PLSCR5: variants seen among roughly 807,000 people sequenced by gnomAD.
PLSCR5 encodes the protein phospholipid scramblase family member 5.
Under a neutral mutation model 33.6 loss-of-function variants are expected in PLSCR5, and 44 were observed. The observed-to-expected ratio is 1.31, with a 90% confidence interval of 1.03 to 1.69. The LOEUF (loss-of-function observed/expected upper bound fraction) is 1.69. PLSCR5 is among the 40% of genes most tolerant of loss of function. The probability of loss-of-function intolerance (pLI) is 0.00; values close to 1 mark genes in which losing one functional copy is unlikely to be tolerated. For synonymous variants in PLSCR5, 148 were observed against 112.3 expected (o/e 1.32, Z -2.01); for missense variants, 375 against 318.7 (o/e 1.18, Z -1.34).
chr3:146,577,444 A>T (rs2044605736), intron 7 of PLSCR5, among the ~76,000 whole-genome samples: 2 of 152,166 alleles, frequency 1.3e-5, no homozygotes, highest in Non-Finnish European at 2.9e-5. Flanking sequence ...AAATAATTTT[A>T]GATTTTGTGT....
intron 1 of PLSCR5, among the ~76,000 whole-genome samples, chr3:146,603,346 C>T (rs922057302): frequency 6.6e-6 from 1 of 152,082 alleles, no homozygotes; most frequent in East Asian, 1.9e-4. Flanking sequence ...TTGACTTGCC[C>T]TCTTAAACAA....
chr3:146,593,848 A>G (rs2107854011), intron 4 of PLSCR5, 72 bp downstream of exon 4: 1 of 1,416,294 alleles, frequency 7.1e-7, no homozygotes. Flanking sequence ...TCATTGCTCC[A>G]GATGAATTCC....
chr3:146,605,330 C>G lies in PLSCR5; in HGVS notation c.-118G>C. ...AACTTCAGAACGTGTTTGTCTGCCT[C>G]TTGTCAGCTTACATATAACAGAGGA... is the stretch of plus-strand genomic sequence containing the variant. On this transcript the variant is annotated 5_prime_UTR_variant, in exon 1 of 8. Coordinates refer to ENST00000443512, the MANE Select transcript of PLSCR5 (RefSeq NM_001085420.2). 6.4e-7 allele frequency: 1 copy of G among 1,562,318 alleles called. No homozygotes were observed. The highest frequency in any genetic ancestry group is 8.7e-7 in the Non-Finnish European group (1 of 1,153,374).
In PLSCR5 at chr3:146,600,443, C is replaced by A. The variant is rs746907293; in HGVS notation, c.34G>T (p.Gly12Cys). The A allele has an allele frequency of 1.3e-6, 2 of 1,597,726 alleles. No homozygotes were observed. Among genetic ancestry groups the A allele is most frequent in the Admixed American group, 1.7e-5 (1 of 58,922 alleles). Residue 12 changes from glycine (G) to cysteine (C), a missense_variant, in exon 2 of 8, where the codon GGT (glycine) becomes TGT (cysteine). Physicochemically the swap from Gly to Cys is radical, Grantham distance 159. Transcript: ENST00000443512. ...ASKDAQNQRRGLPGFLPGAPD... is the reference protein window; with the variant it reads ...ASKDAQNQRRCLPGFLPGAPD... Reference sequence around the variant, plus strand: ...GCTCCAGGAAGAAAACCAGGCAGACCTCTTCTTTGGTTCTGGGCATCTGCA... The same window carrying A: ...GCTCCAGGAAGAAAACCAGGCAGACATCTTCTTTGGTTCTGGGCATCTGCA...
intron 6 of PLSCR5, among the ~76,000 whole-genome samples, chr3:146,588,566 T>TAC (rs771507864): frequency 6.8e-5 from 10 of 147,774 alleles, no homozygotes; most frequent in Non-Finnish European, 1.4e-4. Flanking sequence ...TGCACACACA[T>TAC]ATACACACAC....
chr3:146,593,707 A>G (rs1405395140), intron 4 of PLSCR5, among the ~76,000 whole-genome samples: 1 of 152,212 alleles, frequency 6.6e-6, no homozygotes, highest in Admixed American at 6.6e-5. Context: ...TCAACAGTTT[A>G]TATCATGAAA....
Position 146,593,922 on chromosome 3 carries a change from C to A in PLSCR5, c.451G>T (p.Glu151Ter). Residue 151 changes from glutamate to a stop codon, truncating the protein, a stop_gained and splice_region_variant, in exon 4 of 8, where the codon GAG becomes TAG. Transcript: ENST00000443512. LOFTEE classifies it high-confidence loss of function. ...NSCWCPCYLQ[E>*]LEIQAPPGTI... ...GACAACCAGAGCCAGTAACTAACCTCTTGTAGGTAGCAAGGGCACCAGCAG... is the reference window on the plus strand; with the variant it reads ...GACAACCAGAGCCAGTAACTAACCTATTGTAGGTAGCAAGGGCACCAGCAG... 1 of 1,613,314 alleles carries A rather than the reference C, an allele frequency of 6.2e-7. No individual in the cohort carries two copies. The highest frequency in any genetic ancestry group is 8.5e-7 in the Non-Finnish European group (1 of 1,179,380).
intron 5 of PLSCR5, among the ~76,000 whole-genome samples, chr3:146,590,996 TG>T (rs2044708877): frequency 4.4e-5 from 3 of 68,810 alleles, no homozygotes; most frequent in Non-Finnish European, 1.0e-4. Context: ...GGTTTTTTTT[TG>T]TTTTTTTTTT....
At chr3:146,597,849 A>G (rs1029172029) in intron 2 of PLSCR5, among the ~76,000 whole-genome samples, 1 of 152,192 alleles carries the variant, frequency 6.6e-6, no homozygotes, top group Non-Finnish European at 1.5e-5. Flanking sequence ...TCAAGTTGAC[A>G]GGTATCAATG....
At chr3:146,600,608 C>G (rs1188441349) in intron 1 of PLSCR5, 145 bp from the exon 2 acceptor site, 1 of 866,466 alleles carries the variant, frequency 1.2e-6, no homozygotes, top group Non-Finnish European at 1.6e-6. Context: ...TTTCACTACT[C>G]ACTGCCATTA....
At chr3:146,592,976 G>C (rs76747094) in intron 4 of PLSCR5, among the ~76,000 whole-genome samples, 5,258 of 152,168 alleles carry the variant, frequency 0.035, 116 homozygotes, top group Non-Finnish European at 0.049. Context: ...TTATCACTTA[G>C]TCAGATGCTT....
chr3:146,597,588 G>T (rs1325079740), intron 2 of PLSCR5, among the ~76,000 whole-genome samples: 1 of 152,154 alleles, frequency 6.6e-6, no homozygotes, highest in African/African-American at 2.4e-5. Context: ...TAAGGGAGTT[G>T]TTTGTTTTAG....
intron 1 of PLSCR5, among the ~76,000 whole-genome samples, chr3:146,602,948 A>G (rs1441651334): frequency 2.0e-5 from 3 of 152,078 alleles, no homozygotes; most frequent in Non-Finnish European, 4.4e-5. Context: ...AGACATCACT[A>G]TTCTGAGATC....
chr3:146,604,663 G>T (rs953492515), intron 1 of PLSCR5, among the ~76,000 whole-genome samples: 1 of 151,978 alleles, frequency 6.6e-6, no homozygotes, highest in Non-Finnish European at 1.5e-5. Flanking sequence ...TAACTCAAAG[G>T]CTGAATGCTT....
intron 2 of PLSCR5, among the ~76,000 whole-genome samples, chr3:146,597,220 GT>G (rs1313742493): frequency 6.6e-6 from 1 of 152,048 alleles, no homozygotes; most frequent in Non-Finnish European, 1.5e-5. Flanking sequence ...AACAATAACA[GT>G]TTTTTTAATT....
downstream of PLSCR5, among the ~76,000 whole-genome samples, chr3:146,583,155 A>G (rs557917304): frequency 1.3e-5 from 2 of 152,264 alleles, no homozygotes; most frequent in South Asian, 4.1e-4. Context: ...TCAAATTGCC[A>G]TATCTTAGCA....
chr3:146,604,634 A>G (rs573177226), intron 1 of PLSCR5, among the ~76,000 whole-genome samples: 1 of 152,218 alleles, frequency 6.6e-6, no homozygotes, highest in South Asian at 2.1e-4. Flanking sequence ...AAACTTAGAG[A>G]GTGTAACTGG....
intron 2 of PLSCR5, among the ~76,000 whole-genome samples, chr3:146,598,676 A>G (rs1338334129): frequency 2.0e-5 from 3 of 152,204 alleles, no homozygotes; most frequent in African/African-American, 7.2e-5. Flanking sequence ...GCCCTCTGGC[A>G]CTGGTATATC....
chr3:146,585,673 T>C (rs1576816500), downstream of PLSCR5, among the ~76,000 whole-genome samples: 1 of 152,224 alleles, frequency 6.6e-6, no homozygotes, highest in Admixed American at 6.5e-5. Context: ...TCTCTAAACA[T>C]TGAATTTTCA....
Sources: allele counts gnomAD v4.1 joint callset (sites outside exome capture counted in the v4.1 genomes callset), GRCh38; gene constraint gnomAD v4.1.1; transcripts MANE v1.5; gene names NCBI Gene and HGNC (gene_info 2026-07-23, HGNC 2026-07-21).